Variants in SOD2 observed in about 807,000 individuals in gnomAD.
SOD2 encodes the protein superoxide dismutase [Mn], mitochondrial.
A neutral mutation model predicts 27.0 loss-of-function variants in SOD2; 11 were observed. The ratio of observed to expected loss-of-function variants is 0.41; its 90% CI spans 0.26 to 0.67. SOD2 has a LOEUF of 0.67. SOD2 is among the 30% of genes least tolerant of loss of function. SOD2 has a pLI of 0.34. For missense variants in SOD2, 250 were observed against 274.5 expected, an observed-to-expected ratio of 0.91 and a Z score of 0.63; for synonymous variants, 105 against 103.0, an observed-to-expected ratio of 1.02 and a Z score of -0.12.
At chr6:159,755,137 CCAG>C (rs1779954810) in intron 1 of SOD2, 2 of 1,614,000 alleles carry the variant, frequency 1.2e-6, no homozygotes, top group Admixed American at 1.7e-5. Context: ...TGGCTCAGTA[CCAG>C]CAGCAGCAGT....
chr6:159,729,741 C>T (rs1443064632), upstream of SOD2, among the ~76,000 whole-genome samples: 1 of 152,224 alleles, frequency 6.6e-6, no homozygotes, highest in African/African-American at 2.4e-5. Context: ...TTCAGTTCCT[C>T]ATCAGTACCT....
Position 159,673,992 on chromosome 6 carries a change from C to T in SOD2, c.*8501G>A, listed in dbSNP as rs980016114. 1 of 152,126 alleles carries T rather than the reference C, an allele frequency of 6.6e-6. No individual in the cohort carries two copies. Among genetic ancestry groups the T allele is most frequent in the Non-Finnish European group, 1.5e-5 (1 of 68,020 alleles). The allele number at this position is 152,126 out of a possible 1,614,324, so 9.4% of individuals were successfully genotyped here. A position where few individuals can be genotyped will look rare whatever the true frequency, so the allele number is the denominator to read the frequency against. On this transcript the variant is annotated 3_prime_UTR_variant, in exon 5 of 5. Coordinates refer to ENST00000538183, the MANE Select transcript of SOD2 (RefSeq NM_000636.4). The stretch of plus-strand genomic sequence containing the variant: ...CCTCTATGCAAATAAACTAGAAAAT[C>T]TAGAAGAAATAGATAAATTCCTGGA...
chr6:159,757,481 T>A (rs1015132109), intron 1 of SOD2, among the ~76,000 whole-genome samples: 3 of 151,642 alleles, frequency 2.0e-5, no homozygotes, highest in African/African-American at 7.3e-5. Flanking sequence ...GGCACCATCG[T>A]GGCTCACTGC....
At chr6:159,736,365 A>G in intron 1 of SOD2, 1 of 1,219,152 alleles carries the variant, frequency 8.2e-7, no homozygotes, top group Non-Finnish European at 1.2e-6. Flanking sequence ...AGCACTTTAA[A>G]AAAAAATAGA....
At chr6:159,695,773 A>T (rs1260850460), upstream of SOD2, among the ~76,000 whole-genome samples, 1 of 152,108 alleles carries the variant, frequency 6.6e-6, no homozygotes, top group Non-Finnish European at 1.5e-5. Context: ...TGGGATCTAT[A>T]TAGGCTTGAG....
rs1357444486 is a variant in SOD2 at position 159,672,555 on chromosome 6, C to G, written c.*9938G>C. The G allele has an allele frequency of 6.6e-6, 1 of 152,140 alleles. No homozygotes were observed. The highest frequency in any genetic ancestry group is 6.5e-5 in the Admixed American group (1 of 15,268). 9.4% of individuals were successfully genotyped at this position (152,140 alleles called of 1,614,324 possible). On this transcript the variant is annotated 3_prime_UTR_variant, in exon 5 of 5. Coordinates refer to ENST00000538183, the MANE Select transcript of SOD2 (RefSeq NM_000636.4). ...ACAAGCAAATGCTGAGAGATTTTGT[C>G]ACCACCAGGCCTGCCTTACAAGAGC...
chr6:159,751,562 A>T (rs944488335), intron 1 of SOD2, among the ~76,000 whole-genome samples: 11 of 152,196 alleles, frequency 7.2e-5, no homozygotes, highest in African/African-American at 2.4e-4. Flanking sequence ...TGCTGATGGG[A>T]AATGGTGGAA....
chr6:159,726,498 C>T (rs1168674429), intron 1 of SOD2: 2 of 302,692 alleles, frequency 6.6e-6, no homozygotes, highest in East Asian at 2.0e-4. Context: ...TAAGGACAGA[C>T]CAATCAAAAG....
chr6:159,715,687 C>T (rs913111807), intron 1 of SOD2, among the ~76,000 whole-genome samples: 85 of 152,018 alleles, frequency 5.6e-4, no homozygotes, highest in African/African-American at 1.8e-3. Context: ...ATCACTTGAG[C>T]CCAGGAGTTT....
chr6:159,706,835 G>A lies in SOD2; in HGVS notation c.-115-13972C>T, dbSNP rs1381378808. Among the ~76,000 whole-genome samples the A allele has an allele frequency of 7.2e-5, 11 of 152,066 alleles. 1 individual carries two copies. Among genetic ancestry groups the A allele is most frequent in the Admixed American group, 2.6e-4 (4 of 15,258 alleles). Reference sequence around the variant, plus strand: ...TATACATTCTTCTCAGCACCACATCGCACCTATTCCAAAACTGACCACATA... The same window carrying A: ...TATACATTCTTCTCAGCACCACATCACACCTATTCCAAAACTGACCACATA... On this transcript the variant is annotated intron_variant, in intron 1 of 2. Transcript: ENST00000401980.
At chr6:159,701,944 T>C (rs970924975) in intron 1 of SOD2, among the ~76,000 whole-genome samples, 3 of 152,194 alleles carry the variant, frequency 2.0e-5, no homozygotes, top group African/African-American at 4.8e-5. Flanking sequence ...GAAAGTGCTA[T>C]ACACAGCTGC....
chr6:159,710,186 T>A (rs1777705211), intron 1 of SOD2, among the ~76,000 whole-genome samples: 1 of 151,530 alleles, frequency 6.6e-6, no homozygotes, highest in South Asian at 2.1e-4. Context: ...ATGGGTGTAG[T>A]ACACCAACAT....
At position 159,672,138 on chromosome 6, in the gene SOD2, G is replaced by T. The variant is rs886792955; in HGVS notation, c.*10355C>A. 6.6e-6 allele frequency: 1 copy of T among 152,192 alleles called. No individual in the cohort carries two copies. Among genetic ancestry groups the T allele is most frequent in the East Asian group, 1.9e-4 (1 of 5,204 alleles). The allele number at this position is 152,192 out of a possible 1,614,324, so 9.4% of individuals were successfully genotyped here. On this transcript the variant is annotated 3_prime_UTR_variant, in exon 5 of 5. Transcript: ENST00000538183. ...TGATTGGTGTACCTGAAAGTGACGG[G>T]GAGAATGGAACCAAGCTGGAAAACA...
chr6:159,758,402 G>A (rs990093000), intron 1 of SOD2, among the ~76,000 whole-genome samples: 1 of 152,160 alleles, frequency 6.6e-6, no homozygotes, highest in Non-Finnish European at 1.5e-5. Context: ...CGCAATAGAT[G>A]TCAGTTTCCT....
At chr6:159,685,219 CTTT>C (rs750824041) in intron 3 of SOD2, among the ~76,000 whole-genome samples, 186 bp from the exon 4 acceptor site, 23 of 73,922 alleles carry the variant, frequency 3.1e-4, no homozygotes, top group Admixed American at 8.5e-4. Context: ...ATAACTTCAA[CTTT>C]TTTTTTTTTT....
At chr6:159,688,415 G>T in intron 2 of SOD2, 173 bp from the exon 3 acceptor site, 1 of 555,662 alleles carries the variant, frequency 1.8e-6, no homozygotes, top group Non-Finnish European at 3.2e-6. Flanking sequence ...TCCCAGACAT[G>T]CTGAACAACT....
chr6:159,761,889 G>T, exon 1 of SOD2: 1 of 342,482 alleles, frequency 2.9e-6, no homozygotes. Context: ...CGCGCCCCGC[G>T]CCCCGCGCGC....
At chr6:159,687,762 A>C (rs573975625) in intron 3 of SOD2, among the ~76,000 whole-genome samples, 3 of 152,146 alleles carry the variant, frequency 2.0e-5, no homozygotes, top group Admixed American at 2.0e-4. Context: ...TAATCCCAGC[A>C]CTTTGGGAGG....
upstream of SOD2, among the ~76,000 whole-genome samples, chr6:159,698,157 C>CA (rs1326822441): frequency 6.6e-6 from 1 of 152,148 alleles, no homozygotes; most frequent in African/African-American, 2.4e-5. Context: ...CCTGTAGTCC[C>CA]AGCTACTTGG....
Sources: gnomAD v4.1 joint callset for allele counts (sites outside exome capture counted in the v4.1 genomes callset) on GRCh38, gnomAD v4.1.1 for gene constraint, MANE v1.5 for transcripts, NCBI Gene and HGNC (gene_info 2026-07-23, HGNC 2026-07-21) for gene names.